RPS6KC1: variants seen among roughly 807,000 people sequenced by gnomAD.
RPS6KC1 encodes ribosomal protein S6 kinase C1, also known as inactive ribosomal protein S6 kinase delta-1.
A neutral mutation model predicts 103.8 loss-of-function variants in RPS6KC1; 54 were observed. That is an observed-to-expected ratio of 0.52 (90% CI 0.42 to 0.65). RPS6KC1 has a LOEUF of 0.65. Among genes scored for constraint, RPS6KC1 ranks in the 30% least tolerant of loss-of-function variants. RPS6KC1 has a pLI of 0.00. For missense variants in RPS6KC1, 1,151 were observed against 1,253.8 expected (o/e 0.92, Z 1.24); for synonymous variants, 439 against 438.7 (o/e 1.00, Z -0.01).
At chr1:213,186,076 A>G (rs2092514967) in intron 8 of RPS6KC1, among the ~76,000 whole-genome samples, 1 of 151,528 alleles carries the variant, frequency 6.6e-6, no homozygotes, top group South Asian at 2.1e-4. Flanking sequence ...CATTTTCTAT[A>G]TTACCTGATT....
At chr1:213,483,822 G>A in the RPS6KC1 span, among the ~76,000 whole-genome samples, 1 of 152,190 alleles carries the variant, frequency 6.6e-6, no homozygotes, top group Non-Finnish European at 1.5e-5. Flanking sequence ...GAAGCTAGGC[G>A]GTTTTGGAAA....
At chr1:213,726,478 T>A in the RPS6KC1 span, among the ~76,000 whole-genome samples, 2 of 152,240 alleles carry the variant, frequency 1.3e-5, no homozygotes, top group Non-Finnish European at 2.9e-5. Context: ...GAATGGAATT[T>A]CTCTTTCCTG....
the RPS6KC1 span, among the ~76,000 whole-genome samples, chr1:213,402,861 T>C: frequency 6.6e-6 from 1 of 151,754 alleles, no homozygotes; most frequent in African/African-American, 2.4e-5. Context: ...AAAATATACT[T>C]TTTTTGGGTG....
At chr1:213,571,608 C>T in the RPS6KC1 span, among the ~76,000 whole-genome samples, 1 of 152,174 alleles carries the variant, frequency 6.6e-6, no homozygotes, top group African/African-American at 2.4e-5. Flanking sequence ...CCCTTTTGCT[C>T]ACTTCTCACC....
the RPS6KC1 span, among the ~76,000 whole-genome samples, chr1:213,540,215 T>C: frequency 6.6e-6 from 1 of 152,218 alleles, no homozygotes; most frequent in South Asian, 2.1e-4. Flanking sequence ...TGGGCTCAAG[T>C]AATGTTCTTG....
chr1:213,720,399 G>A, the RPS6KC1 span, among the ~76,000 whole-genome samples: 169 of 152,350 alleles, frequency 1.1e-3, 3 homozygotes, highest in African/African-American at 3.7e-3. Context: ...ACGTTCCAAA[G>A]GTTCTTGATT....
the RPS6KC1 span, among the ~76,000 whole-genome samples, chr1:213,809,303 T>C: frequency 2.0e-5 from 3 of 152,152 alleles, no homozygotes; most frequent in South Asian, 2.1e-4. Context: ...TGCCATCTTA[T>C]ATGGGTGATG....
At chr1:213,055,242 G>T (rs776414175) in intron 1 of RPS6KC1, among the ~76,000 whole-genome samples, 1 of 151,846 alleles carries the variant, frequency 6.6e-6, no homozygotes, top group Non-Finnish European at 1.5e-5. Context: ...CTATCTCTAG[G>T]CAACCACTGG....
the RPS6KC1 span, among the ~76,000 whole-genome samples, chr1:213,707,751 T>C: frequency 5.3e-5 from 8 of 152,352 alleles, no homozygotes; most frequent in East Asian, 1.3e-3. Context: ...GTTTCAGTTT[T>C]CTGCATATGG....
chr1:213,379,637 A>T, the RPS6KC1 span, among the ~76,000 whole-genome samples: 1 of 152,180 alleles, frequency 6.6e-6, no homozygotes. Context: ...TAGCAAACGC[A>T]TACACCATTG....
At chr1:213,138,883 T>G (rs1053016022) in intron 6 of RPS6KC1, among the ~76,000 whole-genome samples, 3 of 152,204 alleles carry the variant, frequency 2.0e-5, no homozygotes, top group Admixed American at 1.3e-4. Flanking sequence ...AATGGAGTTG[T>G]TGGATTGAAT....
At chr1:213,363,924 C>A in the RPS6KC1 span, among the ~76,000 whole-genome samples, 2 of 149,176 alleles carry the variant, frequency 1.3e-5, no homozygotes, top group Non-Finnish European at 3.0e-5. Context: ...ACATTGTTTT[C>A]TTTAGCCACA....
At chr1:213,656,652 G>A in the RPS6KC1 span, among the ~76,000 whole-genome samples, 2 of 152,206 alleles carry the variant, frequency 1.3e-5, no homozygotes, top group Admixed American at 6.5e-5. Context: ...CCATTACCCT[G>A]ATTCTGGGTC....
chr1:213,418,960 C>T, the RPS6KC1 span, among the ~76,000 whole-genome samples: 2 of 152,228 alleles, frequency 1.3e-5, no homozygotes, highest in Admixed American at 6.5e-5. Context: ...TCTTGTGTTG[C>T]GTTTCCCGTC....
At chr1:213,412,411 G>A in the RPS6KC1 span, among the ~76,000 whole-genome samples, 8 of 152,236 alleles carry the variant, frequency 5.3e-5, no homozygotes, top group Non-Finnish European at 1.0e-4. Flanking sequence ...TGAGGAAGCA[G>A]AAGAATGGTC....
chr1:213,554,775 TC>T, the RPS6KC1 span, among the ~76,000 whole-genome samples: 1 of 152,234 alleles, frequency 6.6e-6, no homozygotes, highest in African/African-American at 2.4e-5. Context: ...GCAGAGATAT[TC>T]ATTCAGTGCT....
chr1:213,277,654 T>C (rs1216640270), downstream of RPS6KC1, among the ~76,000 whole-genome samples: 1 of 152,250 alleles, frequency 6.6e-6, no homozygotes, highest in Non-Finnish European at 1.5e-5. Flanking sequence ...AAGAATTAAT[T>C]GACATGCTTA....
At chr1:213,613,236 T>C in the RPS6KC1 span, among the ~76,000 whole-genome samples, 1 of 152,226 alleles carries the variant, frequency 6.6e-6, no homozygotes, top group East Asian at 1.9e-4. Flanking sequence ...GAGATAATTT[T>C]CTCTGTCCCA....
intron 8 of RPS6KC1, among the ~76,000 whole-genome samples, chr1:213,182,452 C>T (rs1310659180): frequency 6.6e-6 from 1 of 152,044 alleles, no homozygotes; most frequent in Non-Finnish European, 1.5e-5. Flanking sequence ...GATCATGCCA[C>T]CGCACTCCAG....
Sources: gnomAD v4.1 joint callset for allele counts (sites outside exome capture counted in the v4.1 genomes callset) on GRCh38, gnomAD v4.1.1 for gene constraint, MANE v1.5 for transcripts, NCBI Gene and HGNC (gene_info 2026-07-23, HGNC 2026-07-21) for gene names.